Variants in SLC39A8 observed in about 807,000 individuals in gnomAD.
The protein encoded by SLC39A8 is metal cation symporter ZIP8.
In SLC39A8, 15 loss-of-function variants were observed where a neutral mutation model predicts 40.4. The observed-to-expected ratio is 0.37, with a 90% confidence interval of 0.25 to 0.57. The LOEUF is 0.57. Ranked by LOEUF, SLC39A8 falls within the 20% of genes least tolerant of loss-of-function variation. The pLI, the probability that SLC39A8 is intolerant of heterozygous loss-of-function variation, is 0.75. For missense variants in SLC39A8, 472 were observed against 558.8 expected, an observed-to-expected ratio of 0.84 and a Z score of 1.57; for synonymous variants, 223 against 221.6, an observed-to-expected ratio of 1.01 and a Z score of -0.06.
chr4:102,269,648 G>C (rs1214887102), intron 6 of SLC39A8: 1 of 152,148 alleles, frequency 6.6e-6, no homozygotes. Flanking sequence ...AACTTACCCA[G>C]AGATACAAAA....
In SLC39A8 at chr4:102,255,911, A is replaced by G. The variant is rs1340485225; in HGVS notation, c.*299-2481T>C. On this transcript the variant is annotated intron_variant and NMD_transcript_variant, in intron 11 of 11. Transcript: ENST00000424970. ...TAAAACACCAAAGGATCGCTATGAC[A>G]GCGCAGGTGCTTTTTCTCACGTGCA... 2.0e-5 allele frequency among the ~76,000 whole-genome samples: 3 copies of G among 152,228 alleles called. No homozygotes were observed. In the East Asian group the frequency reaches 5.8e-4, roughly 29 times the overall value.
At position 102,304,532 on chromosome 4, in the gene SLC39A8, A is replaced by G. The variant is rs768977936; in HGVS notation, c.676-51T>C. On this transcript the variant is annotated intron_variant, in intron 5 of 8. Coordinates refer to ENST00000356736, the MANE Select transcript of SLC39A8 (RefSeq NM_001135146.2). ...ATTATAAGAAGAAAAAAGATGATTCATACAGACAAGGAAATAGAGTTTACT... is the reference window on the plus strand; with the variant it reads ...ATTATAAGAAGAAAAAAGATGATTCGTACAGACAAGGAAATAGAGTTTACT... 3.4e-6 allele frequency: 5 copies of G among 1,483,476 alleles called. No homozygotes were observed. In the African/African-American group the frequency reaches 7.0e-5, roughly 21 times the overall value. 91.9% of individuals were successfully genotyped at this position (1,483,476 alleles called of 1,614,324 possible).
intron 2 of SLC39A8, among the ~76,000 whole-genome samples, chr4:102,322,191 G>T (rs1734994841): frequency 6.6e-6 from 1 of 152,170 alleles, no homozygotes; most frequent in African/African-American, 2.4e-5. Context: ...TAGTCCTGCT[G>T]TGAGTCTGGG....
rs190624306 is a variant in SLC39A8, at chr4:102,280,120, G to A, written c.841-12041C>T. Among the ~76,000 whole-genome samples, 6 of 152,316 alleles carry A rather than the reference G, an allele frequency of 3.9e-5. No individual in the cohort carries two copies. The East Asian group carries it at 1.2e-3, about 29-fold the overall frequency. On this transcript the variant is annotated intron_variant, in intron 6 of 8. Coordinates refer to ENST00000356736, the MANE Select transcript of SLC39A8 (RefSeq NM_001135146.2). ...TTGAAGGTTAACTTAGGCTGGCTAT[G>A]TCCACAACTAAAGATCACTGTTCCA...
In SLC39A8 at chr4:102,266,392, C is replaced by A. The variant is rs902051195; in HGVS notation, c.1233+1098G>T. On this transcript the variant is annotated intron_variant, in intron 8 of 8. Transcript: ENST00000356736. ...ATGAAATCCTTGCTCTTCTGAGGGT[C>A]TGCAGAGAACAACGAACAGAGCTAG... Among the ~76,000 whole-genome samples the A allele has an allele frequency of 2.0e-5, 3 of 152,066 alleles. No individual in the cohort carries two copies. In the South Asian group the frequency reaches 6.2e-4, roughly 32 times the overall value.
At position 102,262,865 on chromosome 4, in the gene SLC39A8, G is replaced by A. The variant is rs771691046; in HGVS notation, c.*179C>T. 1.8e-5 allele frequency: 25 copies of A among 1,367,936 alleles called. No individual in the cohort carries two copies. The highest frequency in any genetic ancestry group is 2.4e-5 in the Non-Finnish European group (25 of 1,063,612). The allele number at this position is 1,367,936 out of a possible 1,614,324, so 84.7% of individuals were successfully genotyped here. ...AGACTGACACTGAAAACCTTTTGAA[G>A]CATTTTTAACAACAAATAATGGACT... On this transcript the variant is annotated 3_prime_UTR_variant, in exon 9 of 9. Transcript: ENST00000356736.
intron 6 of SLC39A8, among the ~76,000 whole-genome samples, chr4:102,274,746 C>T (rs1732537204): frequency 1.3e-5 from 2 of 152,132 alleles, no homozygotes; most frequent in South Asian, 2.1e-4. Flanking sequence ...AGACTAACAG[C>T]GGCTCTCTCT....
rs562621744 is a variant in SLC39A8, at chr4:102,314,155, G to C, written c.382+1513C>G. Among the ~76,000 whole-genome samples, 62 of 152,158 alleles carry C rather than the reference G, an allele frequency of 4.1e-4. 1 individual carries two copies. Among genetic ancestry groups the C allele is most frequent in the Middle Eastern group, 6.8e-3 (2 of 294 alleles). On this transcript the variant is annotated intron_variant, in intron 3 of 8. Transcript: ENST00000356736. Reference sequence around the variant, plus strand: ...CTCCGGTTTCTCTGGCTCAAGACTTGACTCATTGTTCCCTCTCCCACAATC... The same window carrying C: ...CTCCGGTTTCTCTGGCTCAAGACTTCACTCATTGTTCCCTCTCCCACAATC...
At chr4:102,281,595 C>G (rs1732874762) in intron 6 of SLC39A8, among the ~76,000 whole-genome samples, 1 of 152,098 alleles carries the variant, frequency 6.6e-6, no homozygotes, top group African/African-American at 2.4e-5. Flanking sequence ...CCAGTGGTAA[C>G]TGCAACCACC....
At chr4:102,319,862 G>T (rs933743670) in intron 2 of SLC39A8, among the ~76,000 whole-genome samples, 1 of 151,980 alleles carries the variant, frequency 6.6e-6, no homozygotes, top group Non-Finnish European at 1.5e-5. Flanking sequence ...GGTGGACTCC[G>T]TTAAGTAGAT....
At chr4:102,258,040 G>A (rs1180246761), downstream of SLC39A8, among the ~76,000 whole-genome samples, 2 of 152,084 alleles carry the variant, frequency 1.3e-5, no homozygotes, top group East Asian at 1.9e-4. Context: ...CTTCTCAGCT[G>A]CAGCCTGGCC....
chr4:102,291,431 C>G (rs1351875474), intron 6 of SLC39A8, among the ~76,000 whole-genome samples: 3 of 151,994 alleles, frequency 2.0e-5, no homozygotes, highest in African/African-American at 7.2e-5. Context: ...TCTCCTCTTT[C>G]TTGAAAATTA....
chr4:102,304,695 G>T (rs765654637), intron 5 of SLC39A8, among the ~76,000 whole-genome samples: 1 of 150,424 alleles, frequency 6.6e-6, no homozygotes, highest in African/African-American at 2.4e-5. Context: ...GTTAGAACAC[G>T]TATACACTCT....
chr4:102,311,937 G>A (rs757508370), intron 3 of SLC39A8, among the ~76,000 whole-genome samples: 12 of 151,960 alleles, frequency 7.9e-5, no homozygotes, highest in Admixed American at 7.2e-4. Flanking sequence ...TTTTCTTAGT[G>A]AGAAAAACAA....
At chr4:102,300,047 A>C (rs1236314157) in intron 6 of SLC39A8, among the ~76,000 whole-genome samples, 1 of 151,916 alleles carries the variant, frequency 6.6e-6, no homozygotes, top group Admixed American at 6.6e-5. Context: ...TAACTGAATA[A>C]CTGGGGAAAT....
chr4:102,300,054 A>G (rs550199794), intron 6 of SLC39A8, among the ~76,000 whole-genome samples: 1 of 152,116 alleles, frequency 6.6e-6, no homozygotes, highest in African/African-American at 2.4e-5. Context: ...ATAACTGGGG[A>G]AATAGCATCT....
At chr4:102,301,232 T>C (rs1733910495) in intron 6 of SLC39A8, among the ~76,000 whole-genome samples, 1 of 152,048 alleles carries the variant, frequency 6.6e-6, no homozygotes, top group Admixed American at 6.6e-5. Flanking sequence ...ATTGTGCCAC[T>C]GCTCTCCAGC....
In SLC39A8 at chr4:102,284,316, T is replaced by C. The variant is rs1183764587; in HGVS notation, c.841-16237A>G. Among the ~76,000 whole-genome samples, 4 of 152,350 alleles carry C rather than the reference T, an allele frequency of 2.6e-5. No homozygotes were observed. The East Asian group carries it at 7.7e-4, about 29-fold the overall frequency. The stretch of plus-strand genomic sequence containing the variant: ...TTCTATGTCCACATGTACACATTAG[T>C]TAGCTCCTACTTATAAGTGCCTGCA... On this transcript the variant is annotated intron_variant, in intron 6 of 8. Transcript: ENST00000356736.
At chr4:102,270,393 T>C (rs912741123) in intron 6 of SLC39A8, among the ~76,000 whole-genome samples, 5 of 152,212 alleles carry the variant, frequency 3.3e-5, no homozygotes, top group Admixed American at 3.3e-4. Context: ...TTAATAGTTT[T>C]GGAACAAACC....
Sources: allele counts gnomAD v4.1 joint callset (sites outside exome capture counted in the v4.1 genomes callset), GRCh38; gene constraint gnomAD v4.1.1; transcripts MANE v1.5; gene names NCBI Gene and HGNC (gene_info 2026-07-23, HGNC 2026-07-21).